The following ASTN2 variants were observed in gnomAD, a reference collection of about 807,000 sequenced individuals.
ASTN2 encodes the protein astrotactin 2.
A neutral mutation model predicts 139.8 loss-of-function variants in ASTN2; 54 were observed. The ratio of observed to expected loss-of-function variants is 0.39; its 90% confidence interval spans 0.31 to 0.48. The LOEUF (loss-of-function observed/expected upper bound fraction) is 0.48, where lower values mean the gene tolerates loss of function less well. Among genes scored for constraint, ASTN2 ranks in the 20% least tolerant of loss-of-function variants. The pLI is 0.95. For missense variants in ASTN2, 1,565 were observed against 1,725.1 expected (o/e 0.91, Z 1.64); for synonymous variants, 756 against 719.5 (o/e 1.05, Z -0.81).
chr9:117,146,475 G>GAAAAAAAAAAAAAAAAAAGAAAAAAAAAA, intron 3 of ASTN2, among the ~76,000 whole-genome samples: 1 of 120,674 alleles, frequency 8.3e-6, no homozygotes, highest in Non-Finnish European at 1.7e-5. Context: ...GAAGAGGAGA[G>GAAAAAAAAAAAAAAAAAAGAAAAAAAAAA]AAAAAAAAAA....
At chr9:116,915,143 T>C (rs1364564272) in intron 10 of ASTN2, among the ~76,000 whole-genome samples, 2 of 152,188 alleles carry the variant, frequency 1.3e-5, no homozygotes, top group Non-Finnish European at 2.9e-5. Context: ...GCAGTCCCCA[T>C]TAAGATATGT....
At chr9:116,456,243 G>A (rs774019209) in intron 20 of ASTN2, among the ~76,000 whole-genome samples, 26 of 151,732 alleles carry the variant, frequency 1.7e-4, no homozygotes, top group Non-Finnish European at 2.7e-4. Context: ...AAAAAGAAAC[G>A]AAGAAAGGAA....
Position 117,045,772 on chromosome 9 carries a change from T to C in ASTN2, c.1277-5807A>G, listed in dbSNP as rs1400433027. Among the ~76,000 whole-genome samples the C allele has an allele frequency of 2.0e-5, 3 of 152,098 alleles. No individual in the cohort carries two copies. The East Asian group carries it at 5.8e-4, about 29-fold the overall frequency. ...AAAACTTAAAGCTGGTACACTCCCA[T>C]TGACTTCCTCCTGAGATCCCCAAAG... On this transcript the variant is annotated intron_variant, in intron 5 of 22. Coordinates refer to ENST00000313400, the MANE Select transcript of ASTN2 (RefSeq NM_001365068.1).
chr9:116,967,949 C>T (rs936754351), intron 10 of ASTN2, among the ~76,000 whole-genome samples: 12 of 152,290 alleles, frequency 7.9e-5, no homozygotes, highest in African/African-American at 9.6e-5. Context: ...CTTTTAATCA[C>T]GGACACACTG....
intron 1 of ASTN2, among the ~76,000 whole-genome samples, chr9:117,390,237 G>A (rs1830506995): frequency 6.6e-6 from 1 of 152,110 alleles, no homozygotes; most frequent in African/African-American, 2.4e-5. Context: ...AGAAAGTACA[G>A]AGAATTCCAA....
chr9:116,526,440 C>T (rs1211991976), intron 19 of ASTN2, among the ~76,000 whole-genome samples: 2 of 151,794 alleles, frequency 1.3e-5, no homozygotes, highest in African/African-American at 4.8e-5. Flanking sequence ...GGTAAAACCC[C>T]GTATCTACTA....
intron 19 of ASTN2, among the ~76,000 whole-genome samples, chr9:116,607,097 G>C (rs1162421713): frequency 6.6e-6 from 1 of 152,172 alleles, no homozygotes; most frequent in East Asian, 1.9e-4. Flanking sequence ...GCATCAACTG[G>C]TCATGACACA....
chr9:116,709,969 G>A (rs1012438804), intron 16 of ASTN2, among the ~76,000 whole-genome samples: 25 of 152,116 alleles, frequency 1.6e-4, no homozygotes, highest in African/African-American at 5.3e-4. Flanking sequence ...AAATATCAGG[G>A]ATGAATCGTA....
intron 13 of ASTN2, among the ~76,000 whole-genome samples, chr9:116,786,758 T>C (rs1276018627): frequency 6.6e-6 from 1 of 152,178 alleles, no homozygotes; most frequent in Non-Finnish European, 1.5e-5. Context: ...TTTGGCTGTG[T>C]CCCCACTGAA....
At position 116,689,116 on chromosome 9, in the gene ASTN2, C is replaced by T. The variant is rs568423338; in HGVS notation, c.2806+36655G>A. ...GTGTGGGATACGCCCTTCCCCCCCG[C>T]AGTAAGGAATTATCCTGCCTAAAAT... On this transcript the variant is annotated intron_variant, in intron 16 of 22. Coordinates refer to ENST00000313400, the MANE Select transcript of ASTN2 (RefSeq NM_001365068.1). Among the ~76,000 whole-genome samples the T allele has an allele frequency of 2.6e-5, 4 of 152,258 alleles. No individual in the cohort carries two copies. The South Asian group carries it at 8.3e-4, about 32-fold the overall frequency.
Position 117,414,480 on chromosome 9 carries a change from C to T in ASTN2, c.442+17G>A. 1.9e-6 allele frequency: 3 copies of T among 1,607,122 alleles called. No individual in the cohort carries two copies. Among genetic ancestry groups the T allele is most frequent in the African/African-American group, 1.3e-5 (1 of 74,442 alleles). ...GGGGTTCCTTGGGATCTAGCGCGTG[C>T]CGGCGCCCAGCCTTACCCAGGGTGA... On this transcript the variant is annotated intron_variant, in intron 1 of 22. Coordinates refer to ENST00000313400, the MANE Select transcript of ASTN2 (RefSeq NM_001365068.1). The surrounding 1 kb of genome is among the most constrained non-coding windows in gnomAD (Gnocchi z 4.2).
At chr9:117,156,051 A>G (rs1373072458) in intron 3 of ASTN2, among the ~76,000 whole-genome samples, 1 of 152,036 alleles carries the variant, frequency 6.6e-6, no homozygotes, top group Non-Finnish European at 1.5e-5. Flanking sequence ...TAATGGTATC[A>G]TGAGGAACTA....
intron 5 of ASTN2, among the ~76,000 whole-genome samples, chr9:117,051,330 A>G (rs1296421981): frequency 6.6e-6 from 1 of 152,216 alleles, no homozygotes; most frequent in Admixed American, 6.5e-5. Context: ...TTGATTAATC[A>G]TAAAAGCTTG....
intron 7 of ASTN2, among the ~76,000 whole-genome samples, chr9:116,977,296 C>A (rs1836368062): frequency 6.6e-6 from 1 of 152,184 alleles, no homozygotes; most frequent in African/African-American, 2.4e-5. Flanking sequence ...TGTCTGTAGT[C>A]TCCTGGTTTT....
intron 13 of ASTN2, among the ~76,000 whole-genome samples, chr9:116,769,036 G>T (rs1322061852): frequency 1.3e-5 from 2 of 152,180 alleles, no homozygotes; most frequent in East Asian, 3.9e-4. Context: ...AAAGACCCAG[G>T]CTGGAGATAC....
intron 12 of ASTN2, among the ~76,000 whole-genome samples, chr9:116,817,457 G>C (rs924821111): frequency 2.0e-5 from 3 of 152,156 alleles, no homozygotes; most frequent in African/African-American, 7.2e-5. Flanking sequence ...GGGACAAATG[G>C]GAGTCAGTGG....
chr9:116,739,817 G>A (rs573293798), intron 13 of ASTN2, among the ~76,000 whole-genome samples: 1 of 152,332 alleles, frequency 6.6e-6, no homozygotes, highest in South Asian at 2.1e-4. Flanking sequence ...GGTGCACCAT[G>A]AGCATTTGTT....
intron 5 of ASTN2, among the ~76,000 whole-genome samples, chr9:117,089,949 T>G (rs1299861316): frequency 2.0e-5 from 3 of 152,180 alleles, no homozygotes; most frequent in African/African-American, 7.2e-5. Context: ...CAAATAGACT[T>G]AGACAGAATG....
rs1450766956 is a variant in ASTN2 at position 116,562,940 on chromosome 9, A to G, written c.3355+55384T>C. Among the ~76,000 whole-genome samples, 6 of 152,280 alleles carry G rather than the reference A, an allele frequency of 3.9e-5. No homozygotes were observed. In the East Asian group the frequency reaches 1.2e-3, roughly 29 times the overall value. The stretch of plus-strand genomic sequence containing the variant: ...AGAAAGTATGCTTGGTCTTAAAGAC[A>G]CAGAGGTGACCAAGAGAGGCATAAG... On this transcript the variant is annotated intron_variant, in intron 19 of 22. Transcript: ENST00000313400.
Sources: allele counts gnomAD v4.1 joint callset (sites outside exome capture counted in the v4.1 genomes callset), GRCh38; gene constraint gnomAD v4.1.1; non-coding constraint Gnocchi (gnomAD v3.1); transcripts MANE v1.5; gene names NCBI Gene and HGNC (gene_info 2026-07-23, HGNC 2026-07-21).